Variants in JPH3 observed in about 807,000 individuals in gnomAD.
JPH3 encodes junctophilin-3.
Under a neutral mutation model 59.6 loss-of-function variants are expected in JPH3, and 11 were observed. The ratio of observed to expected loss-of-function variants is 0.18; its 90% CI spans 0.12 to 0.31. The LOEUF is 0.31. Among genes scored for constraint, JPH3 ranks in the 10% least tolerant of loss-of-function variants. The pLI, the probability that JPH3 is intolerant of heterozygous loss-of-function variation, is 1.00. For missense variants in JPH3, 1,202 were observed against 1,105.7 expected, an observed-to-expected ratio of 1.09 and a Z score of -1.24; for synonymous variants, 673 against 483.6, an observed-to-expected ratio of 1.39 and a Z score of -5.14.
At chr16:87,696,092 A>G (rs1165056828) in intron 4 of JPH3, 1 of 457,248 alleles carries the variant, frequency 2.2e-6, no homozygotes, top group Non-Finnish European at 4.4e-6. Flanking sequence ...CACTGTGCTC[A>G]CGGACTTTGG....
At chr16:87,661,272 G>C (rs2032693998) in intron 2 of JPH3, among the ~76,000 whole-genome samples, 1 of 152,156 alleles carries the variant, frequency 6.6e-6, no homozygotes, top group Non-Finnish European at 1.5e-5. Context: ...GATAATCCAG[G>C]GTCATCTCTC....
rs1274232405 is a variant in JPH3, at chr16:87,689,715, C to T, written c.1355C>T (p.Pro452Leu). The T allele has an allele frequency of 6.2e-7, 1 of 1,612,568 alleles. No individual in the cohort carries two copies. Among genetic ancestry groups the T allele is most frequent in the Admixed American group, 1.7e-5 (1 of 59,994 alleles). The change falls in exon 4 of 5, where the codon CCC (proline) becomes CTC (leucine). Residue 452 changes from proline (P) to leucine (L), a missense_variant. Coordinates refer to ENST00000284262, the MANE Select transcript of JPH3 (RefSeq NM_020655.4). ...DDIEVLSTGT[P>L]LQQESPELYR... is the part of the protein sequence containing the mutation. ...ATCGAGGTGCTGTCCACCGGGACAC[C>T]CCTGCAGCAGGAGAGCCCCGAGCTG... is the stretch of plus-strand genomic sequence containing the variant.
At chr16:87,603,971 C>A in intron 1 of JPH3, 1 of 580,482 alleles carries the variant, frequency 1.7e-6, no homozygotes, top group Non-Finnish European at 2.2e-6. Context: ...GTTCCTGCGG[C>A]GCCCGAGGGC....
intron 2 of JPH3, among the ~76,000 whole-genome samples, chr16:87,660,922 C>G (rs902848245): frequency 2.0e-5 from 3 of 152,240 alleles, no homozygotes; most frequent in Non-Finnish European, 4.4e-5. Flanking sequence ...AGTGGAATGA[C>G]AATGGTACAG....
In JPH3 at chr16:87,611,898, G is replaced by A. The variant is rs938296245; in HGVS notation, c.382+8370G>A. On this transcript the variant is annotated intron_variant, in intron 1 of 4. Coordinates refer to ENST00000284262, the MANE Select transcript of JPH3 (RefSeq NM_020655.4). This position sits in a 1 kb window ranked among gnomAD's most constrained non-coding sequence, Gnocchi z 4.5. ...GTCACTAAGAATGTCCCTGGGAGAC[G>A]GTTAGAAATGCAGCGTGTCAGGCCT... 5.3e-5 allele frequency among the ~76,000 whole-genome samples: 8 copies of A among 152,208 alleles called. No individual in the cohort carries two copies. Among genetic ancestry groups the A allele is most frequent in the African/African-American group, 7.2e-5 (3 of 41,456 alleles).
intron 2 of JPH3, among the ~76,000 whole-genome samples, chr16:87,661,497 G>C (rs961190197): frequency 6.6e-6 from 1 of 152,254 alleles, no homozygotes; most frequent in Non-Finnish European, 1.5e-5. Context: ...GCATGGGCTG[G>C]ACTTTGGGGG....
At chr16:87,625,679 A>G (rs978218440) in intron 1 of JPH3, among the ~76,000 whole-genome samples, 2 of 152,130 alleles carry the variant, frequency 1.3e-5, no homozygotes, top group African/African-American at 2.4e-5. Context: ...TCAAGCTGTA[A>G]TGAATGTTGT....
chr16:87,675,931 G>C (rs1270254622), intron 2 of JPH3, among the ~76,000 whole-genome samples: 1 of 152,226 alleles, frequency 6.6e-6, no homozygotes. Context: ...CTTTCTGAAA[G>C]AAATGTTTTC....
chr16:87,664,580 G>C (rs112205425), intron 2 of JPH3, among the ~76,000 whole-genome samples: 1 of 152,150 alleles, frequency 6.6e-6, no homozygotes, highest in South Asian at 2.1e-4. Context: ...AGCCGAGATC[G>C]CGCCATTGCA....
chr16:87,650,675 T>A (rs1235668654), intron 2 of JPH3, among the ~76,000 whole-genome samples: 1 of 152,202 alleles, frequency 6.6e-6, no homozygotes, highest in East Asian at 1.9e-4. Flanking sequence ...ATTGCTGATA[T>A]GGAGAAAATT....
intron 2 of JPH3, among the ~76,000 whole-genome samples, chr16:87,647,228 GC>G (rs1053330216): frequency 6.6e-6 from 1 of 151,924 alleles, no homozygotes; most frequent in African/African-American, 2.4e-5. Context: ...GGCCGGGAGG[GC>G]GAGACCTGAG....
chr16:87,608,426 C>T (rs2030607833), intron 1 of JPH3, among the ~76,000 whole-genome samples: 1 of 152,068 alleles, frequency 6.6e-6, no homozygotes, highest in African/African-American at 2.4e-5. Flanking sequence ...CACATTGGTC[C>T]GTGTCTCCGT....
chr16:87,674,760 T>G (rs1199542921), intron 2 of JPH3, among the ~76,000 whole-genome samples: 1 of 152,158 alleles, frequency 6.6e-6, no homozygotes, highest in East Asian at 1.9e-4. Flanking sequence ...TTGTATATTT[T>G]TATTTATTTA....
intron 1 of JPH3, among the ~76,000 whole-genome samples, chr16:87,630,550 G>A (rs2031533897): frequency 1.3e-5 from 2 of 152,150 alleles, no homozygotes; most frequent in South Asian, 4.1e-4. Flanking sequence ...TTCTGTGGCT[G>A]GAAAAATGAG....
At chr16:87,651,706 G>T (rs1159650706) in intron 2 of JPH3, among the ~76,000 whole-genome samples, 3 of 152,262 alleles carry the variant, frequency 2.0e-5, no homozygotes, top group African/African-American at 7.2e-5. Flanking sequence ...AGACTGAGGA[G>T]TTGCTGCTTA....
chr16:87,675,624 C>A lies in JPH3; in HGVS notation c.1161-8518C>A, dbSNP rs935623138. Among the ~76,000 whole-genome samples the A allele has an allele frequency of 2.0e-5, 3 of 152,206 alleles. No homozygotes were observed. The East Asian group carries it at 5.8e-4, about 29-fold the overall frequency. ...TTCCACACTCCCCCTCTGGCTTTTA[C>A]TGTTTTGCTCCGGGAGTGTGGCTTT... On this transcript the variant is annotated intron_variant, in intron 2 of 4. Coordinates refer to ENST00000284262, the MANE Select transcript of JPH3 (RefSeq NM_020655.4).
At chr16:87,627,602 G>C (rs1408773006) in intron 1 of JPH3, among the ~76,000 whole-genome samples, 4 of 152,222 alleles carry the variant, frequency 2.6e-5, no homozygotes, top group Non-Finnish European at 5.9e-5. Flanking sequence ...CCAGGCATCT[G>C]GCTGCAGCTC....
chr16:87,631,243 C>A (rs1316749026), intron 1 of JPH3, among the ~76,000 whole-genome samples: 2 of 152,186 alleles, frequency 1.3e-5, no homozygotes, highest in African/African-American at 4.8e-5. Flanking sequence ...CTTCTCATGT[C>A]TTCTTTCATG....
intron 4 of JPH3, chr16:87,694,125 T>C (rs549566805): frequency 6.6e-6 from 1 of 151,652 alleles, no homozygotes; most frequent in East Asian, 2.0e-4. Flanking sequence ...GGAGGGGAGG[T>C]GGGCACCCAG....
Sources: allele counts gnomAD v4.1 joint callset (sites outside exome capture counted in the v4.1 genomes callset), GRCh38; gene constraint gnomAD v4.1.1; non-coding constraint Gnocchi (gnomAD v3.1); transcripts MANE v1.5; gene names NCBI Gene and HGNC (gene_info 2026-07-23, HGNC 2026-07-21).